Variants in PHF3 observed in about 807,000 individuals in gnomAD.
The protein encoded by PHF3 is PHD finger protein 3.
In PHF3, 41 loss-of-function variants were observed where a neutral mutation model predicts 178.4. That is an observed-to-expected ratio of 0.23 (90% CI 0.18 to 0.30). The LOEUF (loss-of-function observed/expected upper bound fraction) is 0.30, where lower values mean the gene tolerates loss of function less well. Among genes scored for constraint, PHF3 ranks in the 10% least tolerant of loss-of-function variants. PHF3 has a pLI of 1.00. For missense variants in PHF3, 2,346 were observed against 2,398.1 expected (o/e 0.98, Z 0.45); for synonymous variants, 842 against 800.5 (o/e 1.05, Z -0.88).
At chr6:63,638,733 ATTTC>A (rs1265604394) in intron 1 of PHF3, among the ~76,000 whole-genome samples, 3 of 151,858 alleles carry the variant, frequency 2.0e-5, no homozygotes, top group South Asian at 2.1e-4. Flanking sequence ...TGTTTCTCTT[ATTTC>A]TTCTTGGAGC....
At chr6:63,653,863 C>G (rs187595507) in intron 2 of PHF3, among the ~76,000 whole-genome samples, 39 of 152,176 alleles carry the variant, frequency 2.6e-4, no homozygotes, top group Middle Eastern at 3.4e-3. Flanking sequence ...TTATCACTTA[C>G]GCTTTTCCTG....
chr6:63,636,078 C>A lies in PHF3; in HGVS notation c.-98C>A. 1 of 392,756 alleles carries A rather than the reference C, an allele frequency of 2.5e-6. No homozygotes were observed. Among genetic ancestry groups the A allele is most frequent in the Admixed American group, 4.4e-5 (1 of 22,522 alleles). 24.3% of individuals were successfully genotyped at this position (392,756 alleles called of 1,614,324 possible). A position where few individuals can be genotyped will look rare whatever the true frequency, so the allele number is the denominator to read the frequency against. On this transcript the variant is annotated 5_prime_UTR_variant, in exon 1 of 16. Coordinates refer to ENST00000262043, the MANE Select transcript of PHF3 (RefSeq NM_001370348.2). ...GCGGCACCCACCGGGCCCCCTCCTC[C>A]TCCTCTTCGGCGGCGGCAGCGTCCA...
At chr6:63,691,044 G>A (rs1332696701) in intron 4 of PHF3, among the ~76,000 whole-genome samples, 1 of 152,092 alleles carries the variant, frequency 6.6e-6, no homozygotes, top group African/African-American at 2.4e-5. Flanking sequence ...ATCTTTATTT[G>A]GAAAAAGAAA....
At position 63,721,417 on chromosome 6, in the gene PHF3, C is replaced by T; in HGVS notation, c.*7709C>T. 6.4e-7 allele frequency: 1 copy of T among 1,551,686 alleles called. No homozygotes were observed. Among genetic ancestry groups the T allele is most frequent in the Non-Finnish European group, 8.7e-7 (1 of 1,146,944 alleles). ...CCACAGGCTGTCCCATCACAGTCACCTACATTTGAGCCACCTTTTGCTCCA... is the reference window on the plus strand; with the variant it reads ...CCACAGGCTGTCCCATCACAGTCACTTACATTTGAGCCACCTTTTGCTCCA... On this transcript the variant is annotated 3_prime_UTR_variant, in exon 16 of 16. Transcript: ENST00000262043.
intron 3 of PHF3, among the ~76,000 whole-genome samples, chr6:63,681,037 G>C (rs1404443140): frequency 6.6e-6 from 1 of 152,034 alleles, no homozygotes; most frequent in African/African-American, 2.4e-5. Flanking sequence ...AACCTTGTAT[G>C]TTTACCTTGT....
chr6:63,713,389 G>C lies in PHF3; in HGVS notation c.5801G>C (p.Arg1934Pro). The C allele has an allele frequency of 6.2e-7, 1 of 1,613,980 alleles. No homozygotes were observed. Among genetic ancestry groups the C allele is most frequent in the South Asian group, 1.1e-5 (1 of 91,072 alleles). The change falls in exon 16 of 16, where the codon CGA becomes CCA. Residue 1934 changes from arginine (R) to proline (P), a missense_variant. By Grantham distance (103) the Arg-to-Pro change is moderately radical (BLOSUM62 -2). This residue lies in a region of PHF3 where 839 missense variants were observed against 806.9 expected (regional missense o/e 1.04). Coordinates refer to ENST00000262043, the MANE Select transcript of PHF3 (RefSeq NM_001370348.2). ...YSDSHHLKRERHEKEWEQESE... is the reference protein window; with the variant it reads ...YSDSHHLKREPHEKEWEQESE... Reference sequence around the variant, plus strand: ...GATTCACACCATTTGAAAAGAGAGCGACATGAAAAGGAATGGGAGCAAGAA... The same window carrying C: ...GATTCACACCATTTGAAAAGAGAGCCACATGAAAAGGAATGGGAGCAAGAA...
At position 63,712,610 on chromosome 6, in the gene PHF3, G is replaced by A. The variant is rs1767999847; in HGVS notation, c.5022G>A (p.Arg1674=). ...TSESKDGDSC[R]NGEKHMLPGL... The stretch of plus-strand genomic sequence containing the variant: ...AAAGCAAAGATGGAGATAGTTGCCG[G>A]AATGGAGAAAAACACATGCTGCCTG... The change falls in exon 16 of 16, where the codon CGG becomes CGA. Residue 1674 remains arginine (R), a synonymous_variant. Coordinates refer to ENST00000262043, the MANE Select transcript of PHF3 (RefSeq NM_001370348.2). 6.2e-7 allele frequency: 1 copy of A among 1,613,762 alleles called. No homozygotes were observed. The highest frequency in any genetic ancestry group is 8.5e-7 in the Non-Finnish European group (1 of 1,179,954).
intron 2 of PHF3, among the ~76,000 whole-genome samples, chr6:63,675,206 G>A (rs1359365305): frequency 6.6e-6 from 1 of 151,992 alleles, no homozygotes; most frequent in Non-Finnish European, 1.5e-5. Context: ...AGAACCATTT[G>A]GGGTTAAATT....
chr6:63,711,932 T>G lies in PHF3; in HGVS notation c.4344T>G (p.Ile1448Met). The G allele has an allele frequency of 1.9e-6, 3 of 1,613,994 alleles. No homozygotes were observed. Among genetic ancestry groups the G allele is most frequent in the Middle Eastern group, 1.7e-4 (1 of 6,060 alleles). Residue 1448 changes from isoleucine to methionine, a missense_variant, in exon 16 of 16, where the codon ATT becomes ATG. Physicochemically the swap from Ile to Met is conservative, Grantham distance 10. Transcript: ENST00000262043. ...KPLRFLPGVL[I>M]GWENQPTTLE... The stretch of plus-strand genomic sequence containing the variant: ...TAAGATTTCTTCCTGGCGTGTTGAT[T>G]GGCTGGGAGAATCAACCTACTACTC...
intron 2 of PHF3, among the ~76,000 whole-genome samples, chr6:63,661,387 T>C (rs1765459647): frequency 6.6e-6 from 1 of 152,168 alleles, no homozygotes. Flanking sequence ...ATCAGATTTA[T>C]AGCAATTACT....
intron 1 of PHF3, among the ~76,000 whole-genome samples, chr6:63,645,131 A>C (rs1267794139): frequency 6.6e-6 from 1 of 151,824 alleles, no homozygotes; most frequent in East Asian, 1.9e-4. Context: ...TGATCTGCCC[A>C]CTTCCCGAAG....
At position 63,713,617 on chromosome 6, in the gene PHF3, G is replaced by T; in HGVS notation, c.6029G>T (p.Arg2010Leu). Residue 2010 changes from arginine to leucine, a missense_variant, in exon 16 of 16, where the codon CGA becomes CTA. This residue lies in a region of PHF3 where 839 missense variants were observed against 806.9 expected (regional missense o/e 1.04). Coordinates refer to ENST00000262043, the MANE Select transcript of PHF3 (RefSeq NM_001370348.2). ...GAAGACTATGAGAAGGACAAAGAAC[G>T]AGAGAAAAGTAAACACAGAGAAGGA... is the stretch of plus-strand genomic sequence containing the variant. ...KSEDYEKDKEREKSKHREGEK... is the reference protein window; with the variant it reads ...KSEDYEKDKELEKSKHREGEK... 3 of 1,613,256 alleles carry T rather than the reference G, an allele frequency of 1.9e-6. No homozygotes were observed. The highest frequency in any genetic ancestry group is 2.5e-6 in the Non-Finnish European group (3 of 1,179,740).
intron 1 of PHF3, among the ~76,000 whole-genome samples, 167 bp downstream of exon 1, chr6:63,636,317 C>T (rs1456793032): frequency 6.6e-6 from 1 of 152,188 alleles, no homozygotes; most frequent in Non-Finnish European, 1.5e-5. Flanking sequence ...TCTTGCGCAA[C>T]GTCCTCGGCC....
intron 2 of PHF3, among the ~76,000 whole-genome samples, chr6:63,654,446 A>G (rs1001472886): frequency 2.6e-5 from 4 of 152,222 alleles, no homozygotes; most frequent in African/African-American, 9.6e-5. Context: ...AAATTTCTGT[A>G]AGATTGATGA....
chr6:63,645,380 C>T (rs114734084), intron 1 of PHF3, among the ~76,000 whole-genome samples: 1,787 of 152,148 alleles, frequency 0.012, 30 homozygotes, highest in African/African-American at 0.041. Context: ...TTAATAGACC[C>T]TGTTTATTAT....
rs1765796891 is a variant in PHF3, at chr6:63,669,006, T to C, written c.245-10994T>C. 2.6e-5 allele frequency among the ~76,000 whole-genome samples: 4 copies of C among 152,170 alleles called. No homozygotes were observed. The South Asian group carries it at 8.3e-4, about 31-fold the overall frequency. ...TCAGCTTGGAAATTAACTGATCGGT[T>C]GTGAGGGTTTGGTAGAAAATTTTTC... On this transcript the variant is annotated intron_variant, in intron 2 of 15. Transcript: ENST00000262043.
At chr6:63,646,824 T>TTTTTTG in intron 2 of PHF3, 29 bp downstream of exon 2, 1 of 1,338,716 alleles carries the variant, frequency 7.5e-7, no homozygotes, top group Non-Finnish European at 9.7e-7. Flanking sequence ...TTTTTTTTTT[T>TTTTTTG]TTTTAGTCTG....
In PHF3 at chr6:63,713,646, A is replaced by T. The variant is rs1468112380; in HGVS notation, c.6058A>T (p.Lys2020Ter). The change falls in exon 16 of 16, where the codon AAG becomes TAG. Residue 2020 changes from lysine (K) to a stop codon, truncating the protein, a stop_gained. Coordinates refer to ENST00000262043, the MANE Select transcript of PHF3 (RefSeq NM_001370348.2). LOFTEE classifies it high-confidence loss of function. ...REKSKHREGE[K>*]DRDRYHKDRD... is the part of the protein sequence containing the mutation. ...GAAAAGTAAACACAGAGAAGGAGAA[A>T]AGGACAGGGATAGGTACCACAAAGA... 6.2e-7 allele frequency: 1 copy of T among 1,611,536 alleles called. No individual in the cohort carries two copies. The highest frequency in any genetic ancestry group is 8.5e-7 in the Non-Finnish European group (1 of 1,179,288).
chr6:63,643,020 G>C (rs1764641746), intron 1 of PHF3, among the ~76,000 whole-genome samples: 1 of 151,936 alleles, frequency 6.6e-6, no homozygotes, highest in Admixed American at 6.6e-5. Flanking sequence ...ATTAACATCT[G>C]ACATAAAGCT....
Sources: gnomAD v4.1 joint callset for allele counts (sites outside exome capture counted in the v4.1 genomes callset) on GRCh38, gnomAD v4.1.1 for gene constraint, gnomAD v4.1.1 regional missense constraint, MANE v1.5 for transcripts, NCBI Gene and HGNC (gene_info 2026-07-23, HGNC 2026-07-21) for gene names.